The following ADCY9 variants were observed in gnomAD, a reference collection of about 807,000 sequenced individuals.
The protein encoded by ADCY9 is adenylate cyclase type 9.
In ADCY9, 50 loss-of-function variants were observed where a neutral mutation model predicts 101.5. That is an observed-to-expected ratio of 0.49 (90% confidence interval 0.39 to 0.62). ADCY9 has a LOEUF of 0.62. ADCY9 is among the 20% of genes least tolerant of loss of function. ADCY9 has a pLI of 0.00. For missense variants in ADCY9, 1,662 were observed against 1,800.4 expected, an observed-to-expected ratio of 0.92 and a Z score of 1.39; for synonymous variants, 905 against 769.3, an observed-to-expected ratio of 1.18 and a Z score of -2.92.
At chr16:3,999,224 G>A (rs755241731) in intron 3 of ADCY9, among the ~76,000 whole-genome samples, 15 of 152,150 alleles carry the variant, frequency 9.9e-5, no homozygotes, top group Admixed American at 3.3e-4. Flanking sequence ...GGAGCCACAC[G>A]GGCAGGCACA....
chr16:4,004,685 A>G (rs2056355315), intron 3 of ADCY9, among the ~76,000 whole-genome samples: 1 of 152,244 alleles, frequency 6.6e-6, no homozygotes, highest in African/African-American at 2.4e-5. Flanking sequence ...GAATGCAAAG[A>G]GCTCCCAGGA....
In ADCY9 at chr16:4,095,976, C is replaced by CAAA. The variant is rs56897380; in HGVS notation, c.1693+17771_1693+17773dup. 2.5e-3 allele frequency among the ~76,000 whole-genome samples: 288 copies of CAAA among 115,106 alleles called. 3 individuals are homozygous for CAAA. The highest frequency in any genetic ancestry group is 7.7e-3 in the South Asian group (26 of 3,356). 75.5% of individuals were successfully genotyped at this position (115,106 alleles called of 152,430 possible). A position where few individuals can be genotyped will look rare whatever the true frequency, so the allele number is the denominator to read the frequency against. On this transcript the variant is annotated intron_variant, in intron 2 of 10. Coordinates refer to ENST00000294016, the MANE Select transcript of ADCY9 (RefSeq NM_001116.4). The stretch of plus-strand genomic sequence containing the variant: ...TGGGTGACAGAGCAAGACTCTATCT[C>CAAA]AAAAAAAAAAAAAAAAAAAAAATCA...
chr16:4,079,606 A>T (rs570940936), intron 2 of ADCY9, among the ~76,000 whole-genome samples: 1 of 152,266 alleles, frequency 6.6e-6, no homozygotes, highest in East Asian at 1.9e-4. Flanking sequence ...AAAGATGTAC[A>T]TACAGATTTA....
chr16:3,998,675 C>T (rs2056306143), intron 3 of ADCY9, among the ~76,000 whole-genome samples: 1 of 127,068 alleles, frequency 7.9e-6, no homozygotes, highest in East Asian at 2.5e-4. Context: ...TGCCACTGCA[C>T]TCCAGCCCGG....
intron 8 of ADCY9, 43 bp from the exon 9 acceptor site, chr16:3,977,673 C>T (rs999474870): frequency 1.4e-5 from 22 of 1,585,062 alleles, no homozygotes; most frequent in African/African-American, 4.0e-5. Context: ...AGGGCCACCC[C>T]GCCACCCCTG....
In ADCY9 at chr16:3,969,569, AATATATATATATATATATATAT is replaced by A. The variant is rs57260468; in HGVS notation, c.2871-2625_2871-2604del. ...GCACAATTTCTTAAAGTTTGTTTGA[AATATATATATATATATATATAT>A]ATATATATATATATATATGTATTTT... On this transcript the variant is annotated intron_variant, in intron 10 of 10. Coordinates refer to ENST00000294016, the MANE Select transcript of ADCY9 (RefSeq NM_001116.4). Among the ~76,000 whole-genome samples the A allele has an allele frequency of 1.2e-3, 53 of 45,244 alleles. 6 individuals are homozygous for A. In the East Asian group the frequency reaches 0.031, roughly 27 times the overall value. 29.7% of individuals were successfully genotyped at this position (45,244 alleles called of 152,430 possible). A position where few individuals can be genotyped will look rare whatever the true frequency, so the allele number is the denominator to read the frequency against.
At chr16:4,055,252 G>T (rs1369103584) in intron 2 of ADCY9, among the ~76,000 whole-genome samples, 1 of 152,190 alleles carries the variant, frequency 6.6e-6, no homozygotes, top group Non-Finnish European at 1.5e-5. Context: ...GTCTTTTGGG[G>T]TCAGGCGTGG....
intron 7 of ADCY9, among the ~76,000 whole-genome samples, chr16:3,980,066 G>A (rs373483290): frequency 2.6e-5 from 4 of 152,246 alleles, no homozygotes; most frequent in Admixed American, 6.5e-5. Context: ...CACGCGTGCC[G>A]TCTGCATCTG....
chr16:4,002,682 T>C (rs1023292364), intron 3 of ADCY9, among the ~76,000 whole-genome samples: 1 of 152,316 alleles, frequency 6.6e-6, no homozygotes, highest in Non-Finnish European at 1.5e-5. Context: ...GGTTCCCTGA[T>C]CAGAAGTAAT....
At chr16:4,027,586 C>A (rs940279685) in intron 2 of ADCY9, among the ~76,000 whole-genome samples, 5 of 152,056 alleles carry the variant, frequency 3.3e-5, no homozygotes, top group Admixed American at 6.5e-5. Flanking sequence ...TTTATAAAAC[C>A]ATCAGATCAA....
At chr16:4,030,136 GCTCAATAATTCCC>G in intron 2 of ADCY9, among the ~76,000 whole-genome samples, 1 of 152,226 alleles carries the variant, frequency 6.6e-6, no homozygotes, top group Non-Finnish European at 1.5e-5. Context: ...ACACTCTATG[GCTCAATAATTCCC>G]CTTCTAGACA....
intron 2 of ADCY9, among the ~76,000 whole-genome samples, chr16:4,025,409 C>T (rs1311137560): frequency 1.3e-5 from 2 of 148,560 alleles, no homozygotes; most frequent in African/African-American, 5.0e-5. Flanking sequence ...TCACTGTGAA[C>T]GCTGCAGAGA....
Position 3,992,317 on chromosome 16 carries a change from G to C in ADCY9, c.2036C>G (p.Pro679Arg), listed in dbSNP as rs775180493. 3 of 1,614,176 alleles carry C rather than the reference G, an allele frequency of 1.9e-6. No individual in the cohort carries two copies. Among genetic ancestry groups the C allele is most frequent in the East Asian group, 2.2e-5 (1 of 44,878 alleles). ...GTTGGTGAGCTTCTCCTCTTGGGGAGGGCTGAGGAGCCCGTTCTGAGTTTT... is the reference window on the plus strand; with the variant it reads ...GTTGGTGAGCTTCTCCTCTTGGGGACGGCTGAGGAGCCCGTTCTGAGTTTT... ...NPKTQNGLLS[P>R]PQEEKLTNSQ... The change falls in exon 5 of 11, where the codon CCT becomes CGT. Residue 679 changes from proline (P) to arginine (R), a missense_variant. Physicochemically the swap from Pro to Arg is moderately radical, Grantham distance 103. This residue lies in a region of ADCY9 where 624 missense variants were observed against 639.1 expected (regional missense o/e 0.98). Transcript: ENST00000294016. The surrounding 1 kb of genome is among the most constrained non-coding windows in gnomAD (Gnocchi z 4.2).
At position 3,966,713 on chromosome 16, in the gene ADCY9, C is replaced by G; in HGVS notation, c.3124G>C (p.Glu1042Gln). 6.2e-7 allele frequency: 1 copy of G among 1,614,154 alleles called. No homozygotes were observed. The highest frequency in any genetic ancestry group is 8.5e-7 in the Non-Finnish European group (1 of 1,180,000). ...LRNIIPYHVA[E>Q]QLKVSQTYSK... is the part of the protein sequence containing the mutation. Reference sequence around the variant, plus strand: ...TAGGTCTGGGACACCTTCAGCTGCTCAGCCACGTGGTAGGGGATGATGTTC... The same window carrying G: ...TAGGTCTGGGACACCTTCAGCTGCTGAGCCACGTGGTAGGGGATGATGTTC... Residue 1042 changes from glutamate (E) to glutamine (Q), a missense_variant, in exon 11 of 11, where the codon GAG (glutamate) becomes CAG (glutamine). By Grantham distance (29) the Glu-to-Gln change is conservative. Around this residue, in one of 5 missense-constraint regions of ADCY9, gnomAD observed 220 missense variants for 312.9 expected, o/e 0.70. Transcript: ENST00000294016.
chr16:4,063,076 C>T (rs975745808), intron 2 of ADCY9, among the ~76,000 whole-genome samples: 7 of 152,064 alleles, frequency 4.6e-5, no homozygotes, highest in African/African-American at 1.4e-4. Flanking sequence ...ATCGCATTGT[C>T]TAGAATGAAT....
At chr16:4,073,542 C>G (rs956095304) in intron 2 of ADCY9, among the ~76,000 whole-genome samples, 4 of 152,106 alleles carry the variant, frequency 2.6e-5, no homozygotes, top group Non-Finnish European at 4.4e-5. Context: ...ATGACAGGCT[C>G]TCACCACCAT....
At chr16:4,007,305 G>C in intron 3 of ADCY9, 63 bp downstream of exon 3, 1 of 1,385,188 alleles carries the variant, frequency 7.2e-7, no homozygotes. Context: ...ATTATTTCAC[G>C]TGCTCTACTG....
At chr16:4,017,961 G>A (rs909758219) in intron 2 of ADCY9, among the ~76,000 whole-genome samples, 4 of 152,224 alleles carry the variant, frequency 2.6e-5, no homozygotes, top group African/African-American at 7.2e-5. Context: ...AGCCACACCC[G>A]CACGCCAGAC....
intron 2 of ADCY9, among the ~76,000 whole-genome samples, chr16:4,093,842 T>C (rs574413037): frequency 3.9e-5 from 6 of 152,350 alleles, no homozygotes; most frequent in African/African-American, 1.2e-4. Flanking sequence ...TGCTATTACT[T>C]GTTCAGGAAA....
Sources: allele counts gnomAD v4.1 joint callset (sites outside exome capture counted in the v4.1 genomes callset), GRCh38; gene constraint gnomAD v4.1.1; regional missense constraint gnomAD v4.1.1; non-coding constraint Gnocchi (gnomAD v3.1); transcripts MANE v1.5; gene names NCBI Gene and HGNC (gene_info 2026-07-23, HGNC 2026-07-21).